SHLD2: variants seen among roughly 807,000 people sequenced by gnomAD.
SHLD2 encodes the protein RINN1-REV7-interacting novel NHEJ regulator 2.
Under a neutral mutation model 73.2 loss-of-function variants are expected in SHLD2, and 30 were observed. The ratio of observed to expected loss-of-function variants is 0.41; its 90% CI spans 0.31 to 0.56. The LOEUF (loss-of-function observed/expected upper bound fraction) is 0.56. SHLD2 is among the 20% of genes least tolerant of loss of function. The pLI, the probability that SHLD2 is intolerant of heterozygous loss-of-function variation, is 0.28. For synonymous variants in SHLD2, 285 were observed against 370.1 expected (o/e 0.77, Z 2.64); for missense variants, 745 against 1,055.9 (o/e 0.71, Z 4.08).
At chr10:87,116,560 CTT>C (rs1290412234) in intron 2 of SHLD2, among the ~76,000 whole-genome samples, 1 of 151,266 alleles carries the variant, frequency 6.6e-6, no homozygotes, top group Non-Finnish European at 1.5e-5. Context: ...GATATGAACA[CTT>C]TATTTTTTTC....
intron 2 of SHLD2, among the ~76,000 whole-genome samples, chr10:87,132,226 G>C (rs1844480672): frequency 1.3e-5 from 2 of 152,092 alleles, no homozygotes; most frequent in Admixed American, 6.6e-5. Flanking sequence ...ATGTAATGAT[G>C]TCAGAATTGG....
chr10:87,186,784 ATTT>A (rs1007377022), intron 8 of SHLD2, among the ~76,000 whole-genome samples: 1 of 151,982 alleles, frequency 6.6e-6, no homozygotes, highest in Non-Finnish European at 1.5e-5. Flanking sequence ...TGTGATTATT[ATTT>A]TTATTTTCAT....
intron 8 of SHLD2, 67 bp downstream of exon 8, chr10:87,180,370 A>T (rs569349380): frequency 6.4e-7 from 1 of 1,570,242 alleles, no homozygotes; most frequent in African/African-American, 1.4e-5. Context: ...ATTAGTCTGT[A>T]AACCCTTACT....
At chr10:87,105,393 C>T (rs932418105) in intron 2 of SHLD2, among the ~76,000 whole-genome samples, 4 of 152,098 alleles carry the variant, frequency 2.6e-5, no homozygotes, top group Admixed American at 2.6e-4. Flanking sequence ...AATTATGTTG[C>T]GCTTGCTTCT....
intron 2 of SHLD2, among the ~76,000 whole-genome samples, chr10:87,098,990 G>T (rs1842091501): frequency 1.3e-5 from 2 of 152,126 alleles, no homozygotes; most frequent in Admixed American, 1.3e-4. Flanking sequence ...TGCCCAGGCT[G>T]GTCTCGAACT....
chr10:87,130,452 C>T (rs1172466953), intron 2 of SHLD2, among the ~76,000 whole-genome samples: 1 of 151,496 alleles, frequency 6.6e-6, no homozygotes, highest in Non-Finnish European at 1.5e-5. Flanking sequence ...TTTATGTTTC[C>T]CTGCTCTGAA....
intron 2 of SHLD2, among the ~76,000 whole-genome samples, chr10:87,118,277 T>C (rs1307272670): frequency 6.6e-6 from 1 of 152,178 alleles, no homozygotes. Context: ...TATTATCTTT[T>C]AGTATTTATA....
intron 2 of SHLD2, among the ~76,000 whole-genome samples, chr10:87,105,119 T>C (rs11202330): frequency 0.079 from 12,042 of 152,284 alleles, 1,139 homozygotes; most frequent in African/African-American, 0.23. Context: ...TGTTTAATGA[T>C]GTGGACCACC....
intron 2 of SHLD2, among the ~76,000 whole-genome samples, chr10:87,119,854 T>C (rs1257416346): frequency 6.6e-5 from 10 of 151,718 alleles, no homozygotes; most frequent in African/African-American, 2.4e-4. Context: ...GCCTGTTTGG[T>C]TTTCATAGCA....
rs1315823249 is a variant in SHLD2, at chr10:87,152,424, A to G, written c.1070A>G (p.Glu357Gly). 1 of 1,604,122 alleles carries G rather than the reference A, an allele frequency of 6.2e-7. No individual in the cohort carries two copies. Among genetic ancestry groups the G allele is most frequent in the Admixed American group, 1.7e-5 (1 of 58,630 alleles). ...CTGCCACCAAATGAGATACGTATTG[A>G]GTTGTGTAGCTCAGGAATACTGTGT... is the stretch of plus-strand genomic sequence containing the variant. ...DELPPNEIRI[E>G]LCSSGILCSQ... Residue 357 changes from glutamate to glycine, a missense_variant, in exon 3 of 10, where the codon GAG becomes GGG. By Grantham distance (98) the Glu-to-Gly change is moderately conservative. Transcript: ENST00000298786.
chr10:87,124,749 T>G (rs1202597381), intron 2 of SHLD2, among the ~76,000 whole-genome samples: 7 of 72,766 alleles, frequency 9.6e-5, no homozygotes, highest in African/African-American at 2.5e-4. Flanking sequence ...AAAAATTGTT[T>G]TTTTTTTTTT....
chr10:87,127,272 A>G (rs2134122909), intron 2 of SHLD2, among the ~76,000 whole-genome samples: 1 of 152,276 alleles, frequency 6.6e-6, no homozygotes, highest in Non-Finnish European at 1.5e-5. Flanking sequence ...GAAATGGAAA[A>G]ATGCTTGTCC....
Position 87,152,888 on chromosome 10 carries a change from A to G in SHLD2, c.1525+9A>G. On this transcript the variant is annotated intron_variant, in intron 3 of 9. Transcript: ENST00000298786. ...TATAATTTTACTCACAGGTGAGGTCATTATGGTATAGTGGTAGCTTATTTT... is the reference window on the plus strand; with the variant it reads ...TATAATTTTACTCACAGGTGAGGTCGTTATGGTATAGTGGTAGCTTATTTT... 6.2e-7 allele frequency: 1 copy of G among 1,606,802 alleles called. No homozygotes were observed. Among genetic ancestry groups the G allele is most frequent in the Non-Finnish European group, 8.5e-7 (1 of 1,177,970 alleles).
chr10:87,113,518 A>G (rs1232384219), intron 2 of SHLD2, among the ~76,000 whole-genome samples: 8 of 152,190 alleles, frequency 5.3e-5, no homozygotes, highest in African/African-American at 1.7e-4. Context: ...CAGGAAATCC[A>G]TAGAGATAGA....
chr10:87,137,537 G>A (rs954084434), intron 2 of SHLD2, among the ~76,000 whole-genome samples: 1 of 152,110 alleles, frequency 6.6e-6, no homozygotes, highest in African/African-American at 2.4e-5. Context: ...AAAAGTCAGG[G>A]AGGGGTAGAA....
intron 2 of SHLD2, among the ~76,000 whole-genome samples, chr10:87,118,188 T>C (rs1298448648): frequency 6.6e-6 from 1 of 152,190 alleles, no homozygotes; most frequent in Non-Finnish European, 1.5e-5. Context: ...CTCCATAGGG[T>C]TCTCAAGCCT....
rs183018107 is a variant in SHLD2, at chr10:87,104,902, G to C, written c.-6+7913G>C. Among the ~76,000 whole-genome samples the C allele has an allele frequency of 1.1e-3, 172 of 152,070 alleles. 1 individual carries two copies. Among genetic ancestry groups the C allele is most frequent in the African/African-American group, 3.8e-3 (159 of 41,478 alleles). On this transcript the variant is annotated intron_variant, in intron 2 of 9. Coordinates refer to ENST00000298786, the MANE Select transcript of SHLD2 (RefSeq NM_001330112.2). ...TCTTGAACTCCTGACCTTGTGATCC[G>C]CCTGCCTCCGCCTCCCAGTGTTGGG...
chr10:87,161,141 T>C (rs908622072), intron 4 of SHLD2, among the ~76,000 whole-genome samples: 1 of 152,202 alleles, frequency 6.6e-6, no homozygotes, highest in African/African-American at 2.4e-5. Flanking sequence ...TATAACAGAA[T>C]GCAAAATTAG....
In SHLD2 at chr10:87,187,163, T is replaced by A; in HGVS notation, c.2478T>A (p.Leu826=). 1 of 1,612,256 alleles carries A rather than the reference T, an allele frequency of 6.2e-7. No individual in the cohort carries two copies. Among genetic ancestry groups the A allele is most frequent in the Non-Finnish European group, 8.5e-7 (1 of 1,178,372 alleles). ...AATCAAAGCTGATAGAGAAGATTCT[T>A]CTCAACATTTCTGCAGACTGCCTCA... ...RVESKLIEKI[L]LNISADCLNR... is the part of the protein sequence containing the mutation. Residue 826 remains leucine, a synonymous_variant, in exon 9 of 10, where the codon CTT becomes CTA. Transcript: ENST00000298786.
Sources: gnomAD v4.1 joint callset for allele counts (sites outside exome capture counted in the v4.1 genomes callset) on GRCh38, gnomAD v4.1.1 for gene constraint, MANE v1.5 for transcripts, NCBI Gene and HGNC (gene_info 2026-07-23, HGNC 2026-07-21) for gene names.